The following SPRED2 variants were observed in gnomAD, a reference collection of about 807,000 sequenced individuals.
SPRED2 encodes the protein sprouty related EVH1 domain containing 2.
SPRED2 carries 47 observed loss-of-function variants against 43.0 expected under a neutral mutation model. That is an observed-to-expected ratio of 1.09 (90% CI 0.87 to 1.40). The LOEUF is 1.40. SPRED2 is among the 40% of genes most tolerant of loss of function. SPRED2 has a pLI of 0.00. For missense variants in SPRED2, 561 were observed against 586.4 expected (o/e 0.96, Z 0.45); for synonymous variants, 225 against 225.7 (o/e 1.00, Z 0.03).
At chr2:65,391,142 T>A (rs1464815235) in intron 1 of SPRED2, among the ~76,000 whole-genome samples, 5 of 150,150 alleles carry the variant, frequency 3.3e-5, no homozygotes, top group Non-Finnish European at 7.4e-5. Flanking sequence ...CATGAGCTTG[T>A]CACTTTATCT....
chr2:65,413,157 AC>A (rs1676199753), intron 1 of SPRED2, among the ~76,000 whole-genome samples: 1 of 152,032 alleles, frequency 6.6e-6, no homozygotes, highest in Admixed American at 6.5e-5. Context: ...TTTTTTGCCT[AC>A]CCCTCTCAAG....
intron 1 of SPRED2, among the ~76,000 whole-genome samples, chr2:65,363,000 G>GTT (rs759784526): frequency 6.0e-5 from 4 of 66,954 alleles, no homozygotes; most frequent in Admixed American, 1.9e-4. Flanking sequence ...TGGTCATCAT[G>GTT]TTTTGTTTTT....
intron 1 of SPRED2, among the ~76,000 whole-genome samples, chr2:65,394,761 G>C (rs117492075): frequency 1.3e-5 from 2 of 152,120 alleles, no homozygotes; most frequent in Admixed American, 6.5e-5. Flanking sequence ...GTCCGCTTCC[G>C]ATCACAGTGA....
At chr2:65,335,141 A>C (rs1030995022) in intron 2 of SPRED2, among the ~76,000 whole-genome samples, 2 of 152,068 alleles carry the variant, frequency 1.3e-5, no homozygotes, top group African/African-American at 4.8e-5. Flanking sequence ...CCCTCCCCCG[A>C]GGCTCCAAAT....
chr2:65,376,942 C>T (rs568916373), intron 1 of SPRED2, among the ~76,000 whole-genome samples: 27 of 152,270 alleles, frequency 1.8e-4, no homozygotes, highest in African/African-American at 5.8e-4. Context: ...TCTCGATCTC[C>T]TGACCTCATG....
At chr2:65,412,171 C>T (rs180745577) in intron 1 of SPRED2, among the ~76,000 whole-genome samples, 187 of 129,778 alleles carry the variant, frequency 1.4e-3, no homozygotes, top group Middle Eastern at 0.014. Context: ...AGAAAATGAA[C>T]AGCAAGGATG....
At chr2:65,356,713 C>G (rs11687535) in intron 1 of SPRED2, among the ~76,000 whole-genome samples, 10 of 151,770 alleles carry the variant, frequency 6.6e-5, no homozygotes, top group African/African-American at 9.7e-5. Flanking sequence ...GTTCTCTGGC[C>G]GGGCGCGGTG....
chr2:65,372,150 T>C (rs34665164), intron 1 of SPRED2, among the ~76,000 whole-genome samples: 16,706 of 152,178 alleles, frequency 0.11, 1,367 homozygotes, highest in Non-Finnish European at 0.16. Context: ...AGCCCAGGTT[T>C]CTTTAGGGAA....
At chr2:65,353,478 TATCA>T (rs1462340647) in intron 1 of SPRED2, among the ~76,000 whole-genome samples, 1 of 152,232 alleles carries the variant, frequency 6.6e-6, no homozygotes, top group Non-Finnish European at 1.5e-5. Flanking sequence ...CTTAATAATT[TATCA>T]ATCATTCTTC....
At chr2:65,316,169 C>T (rs942598179) in intron 5 of SPRED2, among the ~76,000 whole-genome samples, 8 of 152,366 alleles carry the variant, frequency 5.3e-5, no homozygotes, top group Middle Eastern at 3.4e-3. Context: ...TGGGAACTTG[C>T]TCTGCAAAGC....
At chr2:65,416,578 A>AG (rs762495865) in intron 1 of SPRED2, among the ~76,000 whole-genome samples, 11 of 152,108 alleles carry the variant, frequency 7.2e-5, no homozygotes, top group African/African-American at 2.4e-4. Flanking sequence ...AGCAGAGGGG[A>AG]GGGGGGTCGC....
chr2:65,430,122 G>A (rs777896118), intron 1 of SPRED2, among the ~76,000 whole-genome samples: 1 of 152,164 alleles, frequency 6.6e-6, no homozygotes, highest in Non-Finnish European at 1.5e-5. Flanking sequence ...GTACAATCGA[G>A]GGCCCATAAA....
rs149254039 is a variant in SPRED2 at position 65,354,969 on chromosome 2, G to A, written c.27-10073C>T. On this transcript the variant is annotated intron_variant, in intron 1 of 5. Coordinates refer to ENST00000356388, the MANE Select transcript of SPRED2 (RefSeq NM_181784.3). ...ACCTCTTGAGGTGAGTAATGCACCTGGCCCAGGAGAAGGAAAGCCCAGCAG... is the reference window on the plus strand; with the variant it reads ...ACCTCTTGAGGTGAGTAATGCACCTAGCCCAGGAGAAGGAAAGCCCAGCAG... Among the ~76,000 whole-genome samples, 344 of 152,326 alleles carry A rather than the reference G, an allele frequency of 2.3e-3. 1 individual carries two copies. Among genetic ancestry groups the A allele is most frequent in the African/African-American group, 8.2e-3 (339 of 41,578 alleles).
At chr2:65,408,365 G>T (rs1676073030) in intron 1 of SPRED2, among the ~76,000 whole-genome samples, 1 of 152,200 alleles carries the variant, frequency 6.6e-6, no homozygotes, top group African/African-American at 2.4e-5. Context: ...GCAGTATAAG[G>T]TAGAGTCAGA....
At chr2:65,318,278 G>A (rs1673306219) in intron 4 of SPRED2, among the ~76,000 whole-genome samples, 1 of 152,088 alleles carries the variant, frequency 6.6e-6, no homozygotes, top group Non-Finnish European at 1.5e-5. Flanking sequence ...TCTTTCTTTT[G>A]AAAATTGCCC....
chr2:65,320,852 C>G (rs1193253263), intron 4 of SPRED2, among the ~76,000 whole-genome samples: 1 of 152,222 alleles, frequency 6.6e-6, no homozygotes, highest in Non-Finnish European at 1.5e-5. Context: ...AACTGGCTCT[C>G]CTATAACTCT....
At chr2:65,342,333 C>T (rs368109703) in intron 2 of SPRED2, among the ~76,000 whole-genome samples, 6 of 133,784 alleles carry the variant, frequency 4.5e-5, no homozygotes, top group East Asian at 2.1e-4. Context: ...ATTTTGTATA[C>T]GTATATTATG....
intron 2 of SPRED2, among the ~76,000 whole-genome samples, chr2:65,339,207 C>T (rs1674102951): frequency 6.6e-6 from 1 of 151,430 alleles, no homozygotes; most frequent in Admixed American, 6.6e-5. Flanking sequence ...GCCCAGCCAC[C>T]ACCCCGTCTG....
chr2:65,383,536 G>A (rs1675425290), intron 1 of SPRED2, among the ~76,000 whole-genome samples: 1 of 152,136 alleles, frequency 6.6e-6, no homozygotes, highest in South Asian at 2.1e-4. Flanking sequence ...CTTTCACATG[G>A]AGGAGGGAGG....
Sources: gnomAD v4.1 joint callset for allele counts (sites outside exome capture counted in the v4.1 genomes callset) on GRCh38, gnomAD v4.1.1 for gene constraint, MANE v1.5 for transcripts, NCBI Gene and HGNC (gene_info 2026-07-23, HGNC 2026-07-21) for gene names.